Variants in MACROD2 observed in about 807,000 individuals in gnomAD.
MACROD2 encodes ADP-ribose glycohydrolase MACROD2.
MACROD2 carries 36 observed loss-of-function variants against 70.4 expected under a neutral mutation model. The ratio of observed to expected loss-of-function variants is 0.51; its 90% CI spans 0.39 to 0.68. The LOEUF is 0.68. Ranked by LOEUF, MACROD2 falls within the 30% of genes least tolerant of loss-of-function variation. The pLI, the probability that MACROD2 is intolerant of heterozygous loss-of-function variation, is 0.00. For missense variants in MACROD2, 496 were observed against 538.4 expected (o/e 0.92, Z 0.78); for synonymous variants, 172 against 178.8 (o/e 0.96, Z 0.30).
chr20:14,242,482 A>C (rs948811129), intron 3 of MACROD2, among the ~76,000 whole-genome samples: 5 of 152,200 alleles, frequency 3.3e-5, no homozygotes, highest in African/African-American at 1.2e-4. Context: ...GAGATAGTAA[A>C]CATAGGTCAA....
intron 8 of MACROD2, among the ~76,000 whole-genome samples, chr20:15,616,924 T>A (rs1415984106): frequency 6.6e-6 from 1 of 152,202 alleles, no homozygotes; most frequent in Admixed American, 6.5e-5. Flanking sequence ...TCTCCCTGAC[T>A]GCTAATGCTT....
At chr20:14,169,249 T>C (rs1184864689) in intron 3 of MACROD2, among the ~76,000 whole-genome samples, 1 of 152,152 alleles carries the variant, frequency 6.6e-6, no homozygotes, top group African/African-American at 2.4e-5. Context: ...CTGGTTTTCA[T>C]TGAGTATTTA....
At chr20:15,682,067 C>T (rs1213786102) in intron 8 of MACROD2, among the ~76,000 whole-genome samples, 1 of 152,120 alleles carries the variant, frequency 6.6e-6, no homozygotes, top group Non-Finnish European at 1.5e-5. Context: ...TTTGTCAATC[C>T]TGTGAGAATA....
intron 8 of MACROD2, among the ~76,000 whole-genome samples, chr20:15,526,020 T>C (rs2047716795): frequency 6.6e-6 from 1 of 152,216 alleles, no homozygotes; most frequent in Non-Finnish European, 1.5e-5. Flanking sequence ...TCTAATAAAA[T>C]AAAAAGATGT....
intron 6 of MACROD2, among the ~76,000 whole-genome samples, chr20:15,300,384 T>G (rs2077630890): frequency 6.6e-6 from 1 of 152,112 alleles, no homozygotes; most frequent in African/African-American, 2.4e-5. Flanking sequence ...GTTCAGAGTG[T>G]GGCCTGGGTT....
intron 2 of MACROD2, among the ~76,000 whole-genome samples, chr20:14,004,248 A>G (rs1400701814): frequency 6.6e-6 from 1 of 152,224 alleles, no homozygotes; most frequent in Admixed American, 6.5e-5. Context: ...TTAGAAAAGA[A>G]TACATTGAAT....
chr20:15,957,260 T>TG (rs1239324062), intron 12 of MACROD2, among the ~76,000 whole-genome samples: 11 of 152,198 alleles, frequency 7.2e-5, no homozygotes, highest in South Asian at 2.1e-4. Context: ...GCTGCACACT[T>TG]AAGAATTTTG....
intron 3 of MACROD2, among the ~76,000 whole-genome samples, chr20:14,340,190 T>G (rs2082998931): frequency 6.6e-6 from 1 of 152,168 alleles, no homozygotes; most frequent in Non-Finnish European, 1.5e-5. Context: ...AGGAGGTGGA[T>G]TCTCATATCA....
chr20:15,916,500 T>G (rs2065318448), intron 10 of MACROD2, among the ~76,000 whole-genome samples: 1 of 152,204 alleles, frequency 6.6e-6, no homozygotes, highest in Non-Finnish European at 1.5e-5. Context: ...GGGAGGAATC[T>G]CTATGAATTT....
intron 5 of MACROD2, among the ~76,000 whole-genome samples, chr20:14,931,442 C>A (rs7264049): frequency 0.14 from 21,960 of 152,006 alleles, 1,738 homozygotes; most frequent in South Asian, 0.19. Context: ...TTCAGATGTT[C>A]TTCATAGATG....
intron 4 of MACROD2, among the ~76,000 whole-genome samples, chr20:14,570,150 C>CA (rs565987849): frequency 6.0e-4 from 91 of 151,994 alleles, no homozygotes; most frequent in Non-Finnish European, 1.1e-3. Flanking sequence ...TACACTATTA[C>CA]AAAAAATACA....
At chr20:15,696,358 A>G (rs1445622898) in intron 8 of MACROD2, among the ~76,000 whole-genome samples, 5 of 152,154 alleles carry the variant, frequency 3.3e-5, no homozygotes, top group South Asian at 2.1e-4. Flanking sequence ...ATTGACTTGC[A>G]TATCTTAAAC....
intron 4 of MACROD2, among the ~76,000 whole-genome samples, chr20:14,654,221 GTTATTTTTCATTTTCTC>G (rs1985845571): frequency 6.6e-6 from 1 of 151,694 alleles, no homozygotes; most frequent in Non-Finnish European, 1.5e-5. Flanking sequence ...ATCAGTTACA[GTTATTTTTCATTTTCTC>G]TTATTGTTTT....
At chr20:14,527,881 T>C (rs1356357628) in intron 4 of MACROD2, among the ~76,000 whole-genome samples, 1 of 152,140 alleles carries the variant, frequency 6.6e-6, no homozygotes, top group Non-Finnish European at 1.5e-5. Flanking sequence ...TAAAGGTCAA[T>C]TATTTCAACC....
intron 5 of MACROD2, among the ~76,000 whole-genome samples, chr20:15,162,435 G>GA (rs1280014586): frequency 5.9e-5 from 9 of 151,886 alleles, no homozygotes; most frequent in African/African-American, 1.7e-4. Context: ...GGTGGTCCAG[G>GA]AAAAAAATCC....
intron 3 of MACROD2, among the ~76,000 whole-genome samples, chr20:14,297,037 G>A (rs1035373451): frequency 6.6e-6 from 1 of 151,606 alleles, no homozygotes; most frequent in Non-Finnish European, 1.5e-5. Context: ...GTGATCTGTG[G>A]TTAGTGATCT....
At chr20:15,127,958 T>G (rs1411125001) in intron 5 of MACROD2, among the ~76,000 whole-genome samples, 1 of 152,102 alleles carries the variant, frequency 6.6e-6, no homozygotes, top group African/African-American at 2.4e-5. Flanking sequence ...ACACACTGCT[T>G]CTTCTAGAAT....
rs1295068222 is a variant in MACROD2, at chr20:14,398,400, G to C, written c.272-95079G>C. On this transcript the variant is annotated intron_variant, in intron 3 of 17. Transcript: ENST00000684519. The stretch of plus-strand genomic sequence containing the variant: ...GGAGTTCTCCTTTCTCCACATCCTT[G>C]CCAGCATTTTTTTTTTTTTTTGGTC... 6.3e-5 allele frequency among the ~76,000 whole-genome samples: 8 copies of C among 127,472 alleles called. No individual in the cohort carries two copies. The Admixed American group carries it at 6.8e-4, about 11-fold the overall frequency. 83.6% of individuals were successfully genotyped at this position (127,472 alleles called of 152,430 possible). A position where few individuals can be genotyped will look rare whatever the true frequency, so the allele number is the denominator to read the frequency against.
At chr20:14,930,754 G>GCCT (rs1297231077) in intron 5 of MACROD2, among the ~76,000 whole-genome samples, 2 of 125,716 alleles carry the variant, frequency 1.6e-5, no homozygotes, top group South Asian at 3.1e-4. Flanking sequence ...GAAACATAGG[G>GCCT]AGAGCGTGTC....
Sources: allele counts gnomAD v4.1 joint callset (sites outside exome capture counted in the v4.1 genomes callset), GRCh38; gene constraint gnomAD v4.1.1; transcripts MANE v1.5; gene names NCBI Gene and HGNC (gene_info 2026-07-23, HGNC 2026-07-21).